Variants in LSP1 observed in about 807,000 individuals in gnomAD.
LSP1 encodes lymphocyte specific protein 1.
Under a neutral mutation model 49.3 loss-of-function variants are expected in LSP1, and 32 were observed. The ratio of observed to expected loss-of-function variants is 0.65; its 90% CI spans 0.49 to 0.87. The LOEUF (loss-of-function observed/expected upper bound fraction) is 0.87, where lower values mean the gene tolerates loss of function less well. Ranked by LOEUF, LSP1 falls within the 40% of genes least tolerant of loss-of-function variation. LSP1 has a pLI of 0.00. For missense variants in LSP1, 428 were observed against 442.6 expected (o/e 0.97, Z 0.30); for synonymous variants, 179 against 178.8 (o/e 1.00, Z -0.01).
chr11:1,882,504 C>G (rs1432419274), intron 3 of LSP1, among the ~76,000 whole-genome samples: 4 of 152,210 alleles, frequency 2.6e-5, no homozygotes, highest in African/African-American at 9.6e-5. Context: ...GCCCCCCTCC[C>G]TGGGCCTCAG....
At chr11:1,853,486 G>T (rs1250524268) in intron 1 of LSP1, among the ~76,000 whole-genome samples, 1 of 152,230 alleles carries the variant, frequency 6.6e-6, no homozygotes, top group Non-Finnish European at 1.5e-5. Context: ...TGCCTGAAGC[G>T]AGGAGACCCC....
intron 1 of LSP1, chr11:1,871,464 C>T (rs1246369818): frequency 4.1e-5 from 40 of 986,208 alleles, no homozygotes; most frequent in Non-Finnish European, 4.7e-5. Context: ...GGACATCAAG[C>T]CGGTTCTGGA....
rs1248239824 is a variant in LSP1, at chr11:1,859,713, CA to C, written c.53+6517del. 4.2e-4 allele frequency among the ~76,000 whole-genome samples: 63 copies of C among 149,846 alleles called. 1 individual carries two copies. The East Asian group carries it at 7.2e-3, about 17-fold the overall frequency. ...CCTCCAGCCCCCAGCCCCCAGCCCC[CA>C]GCCCCCAGCACCCATGACCCACCAC... On this transcript the variant is annotated intron_variant, in intron 1 of 10. Transcript: ENST00000311604.
intron 1 of LSP1, among the ~76,000 whole-genome samples, chr11:1,871,614 G>A (rs917541270): frequency 1.3e-5 from 2 of 152,240 alleles, no homozygotes; most frequent in African/African-American, 4.8e-5. Context: ...GCCACACCAT[G>A]AGGTTTCCAG....
chr11:1,873,484 G>A (rs1275845669), intron 1 of LSP1, among the ~76,000 whole-genome samples: 1 of 144,338 alleles, frequency 6.9e-6, no homozygotes, highest in Non-Finnish European at 1.5e-5. Flanking sequence ...AAAATAAACT[G>A]CTGGCTAAGG....
chr11:1,867,058 C>A lies in LSP1; in HGVS notation c.54-13029C>A, dbSNP rs550680808. 24 of 822,968 alleles carry A rather than the reference C, an allele frequency of 2.9e-5. No homozygotes were observed. In the African/African-American group the frequency reaches 3.6e-4, roughly 12 times the overall value. 51.0% of individuals were successfully genotyped at this position (822,968 alleles called of 1,614,324 possible). On this transcript the variant is annotated intron_variant, in intron 1 of 10. Transcript: ENST00000311604. ...GGACCTGGGGAGGAGGCACTGAAGC[C>A]GCGTGGGCTCAGGCTCGGGGCCAGT...
rs1173287196 is a variant in LSP1 at position 1,890,235 on chromosome 11, G to T, written c.*14-1538G>T. The T allele has an allele frequency of 7.0e-6, 5 of 716,580 alleles. No homozygotes were observed. In the Admixed American group the frequency reaches 8.0e-5, roughly 11 times the overall value. 44.4% of individuals were successfully genotyped at this position (716,580 alleles called of 1,614,324 possible). Reference sequence around the variant, plus strand: ...TGATGCCACGTGGTGGATGATGGGGGTGTGCGGGGAGCGGGGTAGGGCAGC... The same window carrying T: ...TGATGCCACGTGGTGGATGATGGGGTTGTGCGGGGAGCGGGGTAGGGCAGC... On this transcript the variant is annotated intron_variant, in intron 10 of 10. Coordinates refer to ENST00000311604, the MANE Select transcript of LSP1 (RefSeq NM_002339.3).
intron 1 of LSP1, among the ~76,000 whole-genome samples, chr11:1,862,763 TCGCCTCCCC>T (rs1847675818): frequency 6.6e-6 from 1 of 150,734 alleles, no homozygotes; most frequent in South Asian, 2.1e-4. Context: ...CTAGGTAATC[TCGCCTCCCC>T]TGGGTGATCT....
At position 1,884,128 on chromosome 11, in the gene LSP1, C is replaced by A; in HGVS notation, c.591+104C>A. The A allele has an allele frequency of 7.0e-7, 1 of 1,432,718 alleles. No individual in the cohort carries two copies. The highest frequency in any genetic ancestry group is 9.8e-7 in the Non-Finnish European group (1 of 1,024,354). The allele number at this position is 1,432,718 out of a possible 1,614,324, so 88.8% of individuals were successfully genotyped here. Reference sequence around the variant, plus strand: ...ACAGGAAGACCAGGCCCAGGCCTGGCTTTTGTCTGCTATCCCCCCATTGCC... The same window carrying A: ...ACAGGAAGACCAGGCCCAGGCCTGGATTTTGTCTGCTATCCCCCCATTGCC... On this transcript the variant is annotated intron_variant, in intron 5 of 10. Transcript: ENST00000311604. This position sits in a 1 kb window ranked among gnomAD's most constrained non-coding sequence, Gnocchi z 4.1.
chr11:1,856,689 G>A (rs1418316472), intron 1 of LSP1, among the ~76,000 whole-genome samples: 1 of 152,212 alleles, frequency 6.6e-6, no homozygotes. Flanking sequence ...GGAGGCCCCC[G>A]GCAGCCCCCT....
chr11:1,890,203 G>T (rs968401991), intron 10 of LSP1: 1 of 717,004 alleles, frequency 1.4e-6, no homozygotes, highest in African/African-American at 1.7e-5. Flanking sequence ...GTGGACTTCT[G>T]CAGGGGTGAT....
chr11:1,870,857 T>C lies in LSP1; in HGVS notation c.54-9230T>C, dbSNP rs932709417. ...CGTGTCCCAGAACGTGCCAAAAGCC[T>C]GCCTCGTGAGCACGGCAAGAGCTCT... On this transcript the variant is annotated intron_variant, in intron 1 of 10. Transcript: ENST00000311604. The C allele has an allele frequency of 1.7e-5, 17 of 986,496 alleles. No individual in the cohort carries two copies. The Admixed American group carries it at 8.5e-4, about 49-fold the overall frequency. 61.1% of individuals were successfully genotyped at this position (986,496 alleles called of 1,614,324 possible).
Position 1,881,425 on chromosome 11 carries a change from C to CCCTCAG in LSP1, c.195_200dup. The stretch of plus-strand genomic sequence containing the variant: ...CCCAGGCCTAAGCTCCCCCCTGCTA[C>CCCTCAG]CCTCAGCCTCAGCCTGAAGCCCTCG... On this transcript the variant is annotated splice_region_variant and splice_polypyrimidine_tract_variant and intron_variant, in intron 2 of 10. Transcript: ENST00000311604. 6.4e-7 allele frequency: 1 copy of CCCTCAG among 1,564,074 alleles called. No individual in the cohort carries two copies. The highest frequency in any genetic ancestry group is 1.4e-5 in the African/African-American group (1 of 73,854).
chr11:1,853,102 C>T lies in LSP1; in HGVS notation c.-43C>T, dbSNP rs1348258700. 3 of 1,590,978 alleles carry T rather than the reference C, an allele frequency of 1.9e-6. No homozygotes were observed. Among genetic ancestry groups the T allele is most frequent in the South Asian group, 1.1e-5 (1 of 87,944 alleles). ...GAAAGCCACAGCACGTACACCCACT[C>T]CAGGGATCTGCCAGCACCCTGTGGG... is the stretch of plus-strand genomic sequence containing the variant. On this transcript the variant is annotated 5_prime_UTR_variant, in exon 1 of 11. Transcript: ENST00000311604.
intron 1 of LSP1, among the ~76,000 whole-genome samples, chr11:1,868,326 G>A (rs1478035384): frequency 1.3e-5 from 2 of 152,344 alleles, no homozygotes; most frequent in African/African-American, 2.4e-5. Context: ...CCGGAGCCCC[G>A]TGCCCACCCT....
intron 1 of LSP1, 97 bp downstream of exon 1, chr11:1,853,294 G>A: frequency 7.4e-7 from 1 of 1,349,050 alleles, no homozygotes; most frequent in Non-Finnish European, 9.9e-7. Flanking sequence ...TGCCTGATGG[G>A]GAATCTGGGG....
intron 1 of LSP1, chr11:1,866,436 C>T (rs1384438196): frequency 1.4e-6 from 2 of 1,451,816 alleles, no homozygotes; most frequent in South Asian, 1.5e-5. Context: ...ACCCCTCCTC[C>T]CCAGCTCCCA....
At chr11:1,861,977 A>G (rs1237096085) in intron 1 of LSP1, among the ~76,000 whole-genome samples, 3 of 114,058 alleles carry the variant, frequency 2.6e-5, no homozygotes, top group Non-Finnish European at 3.7e-5. Flanking sequence ...ATGGATGAAT[A>G]GATGGATGGG....
At chr11:1,868,926 T>C in intron 1 of LSP1, 1 of 986,028 alleles carries the variant, frequency 1.0e-6, no homozygotes, top group Non-Finnish European at 1.2e-6. Flanking sequence ...GGAGGCACCC[T>C]GAGGCCAGAG....
Sources: gnomAD v4.1 joint callset for allele counts (sites outside exome capture counted in the v4.1 genomes callset) on GRCh38, gnomAD v4.1.1 for gene constraint, Gnocchi (gnomAD v3.1) non-coding constraint, MANE v1.5 for transcripts, NCBI Gene and HGNC (gene_info 2026-07-23, HGNC 2026-07-21) for gene names.